MYO3A: variants seen among roughly 807,000 people sequenced by gnomAD.
MYO3A encodes the protein myosin IIIA.
In MYO3A, 180 loss-of-function variants were observed where a neutral mutation model predicts 192.7. The observed-to-expected ratio is 0.93, with a 90% CI of 0.83 to 1.06. The LOEUF (loss-of-function observed/expected upper bound fraction) is 1.06, where lower values mean the gene tolerates loss of function less well. MYO3A is among the 50% of genes least tolerant of loss of function. The probability of loss-of-function intolerance (pLI) is 0.00; values close to 1 mark genes in which losing one functional copy is unlikely to be tolerated. For synonymous variants in MYO3A, 628 were observed against 645.3 expected, an observed-to-expected ratio of 0.97 and a Z score of 0.41; for missense variants, 1,896 against 1,905.0, an observed-to-expected ratio of 1.00 and a Z score of 0.09.
At chr10:26,168,409 G>A (rs1291615329) in intron 27 of MYO3A, among the ~76,000 whole-genome samples, 1 of 152,020 alleles carries the variant, frequency 6.6e-6, no homozygotes, top group Non-Finnish European at 1.5e-5. Context: ...CAGAATATAC[G>A]ATGCTAGAAA....
intron 18 of MYO3A, among the ~76,000 whole-genome samples, chr10:26,121,579 G>T (rs1371747660): frequency 6.6e-6 from 1 of 152,038 alleles, no homozygotes; most frequent in African/African-American, 2.4e-5. Context: ...GTGAAACCCT[G>T]TCTCTACTAA....
intron 31 of MYO3A, among the ~76,000 whole-genome samples, chr10:26,177,522 C>G (rs183899836): frequency 6.6e-6 from 1 of 152,268 alleles, no homozygotes; most frequent in Non-Finnish European, 1.5e-5. Flanking sequence ...GCAGGTGGCA[C>G]CTAGACTGTG....
At chr10:26,005,699 G>A (rs895393390) in intron 6 of MYO3A, among the ~76,000 whole-genome samples, 6 of 152,006 alleles carry the variant, frequency 3.9e-5, no homozygotes, top group African/African-American at 9.7e-5. Context: ...GTATATATAT[G>A]TATATATGTA....
intron 14 of MYO3A, among the ~76,000 whole-genome samples, chr10:26,085,355 T>A (rs1437880937): frequency 1.3e-5 from 2 of 152,284 alleles, no homozygotes; most frequent in Non-Finnish European, 2.9e-5. Flanking sequence ...GACTATTTAT[T>A]TTGGAGCTTT....
chr10:26,016,210 T>C (rs1216226378), intron 6 of MYO3A, among the ~76,000 whole-genome samples: 1 of 152,370 alleles, frequency 6.6e-6, no homozygotes, highest in South Asian at 2.1e-4. Flanking sequence ...ACCTCTTTAC[T>C]GTAGCTCTTC....
chr10:26,189,719 A>G (rs1455422430), intron 31 of MYO3A, among the ~76,000 whole-genome samples: 1 of 152,208 alleles, frequency 6.6e-6, no homozygotes, highest in Non-Finnish European at 1.5e-5. Flanking sequence ...AAAAAGAGGC[A>G]TCATCATAAA....
At chr10:26,049,288 T>C (rs899033049) in intron 10 of MYO3A, among the ~76,000 whole-genome samples, 1 of 151,954 alleles carries the variant, frequency 6.6e-6, no homozygotes, top group Non-Finnish European at 1.5e-5. Context: ...AGAGCCTCAG[T>C]TGAAGGGTAT....
chr10:26,156,843 G>A (rs906638846), intron 25 of MYO3A, among the ~76,000 whole-genome samples: 40 of 151,996 alleles, frequency 2.6e-4, no homozygotes, highest in African/African-American at 7.0e-4. Context: ...CTCCCTCCTC[G>A]TACTCTCCAC....
At chr10:26,140,202 C>G (rs1463867956) in intron 20 of MYO3A, among the ~76,000 whole-genome samples, 1 of 152,180 alleles carries the variant, frequency 6.6e-6, no homozygotes, top group Non-Finnish European at 1.5e-5. Context: ...ACGCTTGCAG[C>G]CTGTCTCAGC....
At chr10:26,149,415 A>G (rs553174127) in intron 23 of MYO3A, among the ~76,000 whole-genome samples, 2 of 151,838 alleles carry the variant, frequency 1.3e-5, no homozygotes, top group South Asian at 4.2e-4. Context: ...TTGTATTTTT[A>G]CTAGAGACAG....
Position 26,068,294 on chromosome 10 carries a change from A to T in MYO3A, c.1054-474A>T, listed in dbSNP as rs566672310. On this transcript the variant is annotated intron_variant, in intron 11 of 34. Coordinates refer to ENST00000642920, the MANE Select transcript of MYO3A (RefSeq NM_017433.5). ...TTACTCAAATGACTTATCAACTATGAAAATTACATTTTAAAATTTTTCATA... is the reference window on the plus strand; with the variant it reads ...TTACTCAAATGACTTATCAACTATGTAAATTACATTTTAAAATTTTTCATA... 3.7e-4 allele frequency among the ~76,000 whole-genome samples: 57 copies of T among 152,292 alleles called. No individual in the cohort carries two copies. In the South Asian group the frequency reaches 0.012, roughly 31 times the overall value.
chr10:25,983,036 A>G (rs1308839848), intron 4 of MYO3A, among the ~76,000 whole-genome samples: 1 of 152,144 alleles, frequency 6.6e-6, no homozygotes, highest in Non-Finnish European at 1.5e-5. Flanking sequence ...ACTTAAAGAA[A>G]TTAAAAACAT....
intron 34 of MYO3A, 90 bp downstream of exon 34, chr10:26,203,197 G>A: frequency 7.4e-7 from 1 of 1,351,402 alleles, no homozygotes; most frequent in Non-Finnish European, 1.0e-6. Context: ...ATAGATGAAT[G>A]ACAAAGCACT....
chr10:26,081,585 G>A lies in MYO3A; in HGVS notation c.1360-6618G>A, dbSNP rs1436636767. On this transcript the variant is annotated intron_variant, in intron 14 of 34. Transcript: ENST00000642920. ...CCCCCGAGTTGGGGCCAGACTTCTC[G>A]CCCCATTCAAATTGTTACAAAGTTC... Among the ~76,000 whole-genome samples, 6 of 152,170 alleles carry A rather than the reference G, an allele frequency of 3.9e-5. No individual in the cohort carries two copies. The East Asian group carries it at 9.7e-4, about 25-fold the overall frequency.
chr10:25,980,089 T>G (rs1839226788), intron 4 of MYO3A, among the ~76,000 whole-genome samples: 1 of 151,842 alleles, frequency 6.6e-6, no homozygotes, highest in African/African-American at 2.4e-5. Context: ...TACAAAAAAT[T>G]AGCCAGGCGT....
chr10:26,081,733 T>C (rs1217476227), intron 14 of MYO3A, among the ~76,000 whole-genome samples: 1 of 152,174 alleles, frequency 6.6e-6, no homozygotes, highest in African/African-American at 2.4e-5. Flanking sequence ...TCCCAGGGCT[T>C]TTCTGCTGCT....
At chr10:25,989,918 A>G (rs1839906472) in intron 4 of MYO3A, among the ~76,000 whole-genome samples, 1 of 152,116 alleles carries the variant, frequency 6.6e-6, no homozygotes, top group African/African-American at 2.4e-5. Flanking sequence ...GATGTGTGAC[A>G]AGGCTGATGG....
chr10:26,180,811 GA>G (rs1842588033), intron 31 of MYO3A, among the ~76,000 whole-genome samples: 1 of 151,944 alleles, frequency 6.6e-6, no homozygotes, highest in Admixed American at 6.6e-5. Flanking sequence ...TTGTGTTTCT[GA>G]ATTGAAAGAT....
rs746102690 is a variant in MYO3A at position 26,211,979 on chromosome 10, G to C, written c.*16G>C. The C allele has an allele frequency of 3.7e-6, 6 of 1,607,642 alleles. No individual in the cohort carries two copies. In the Admixed American group the frequency reaches 8.4e-5, roughly 22 times the overall value. On this transcript the variant is annotated 3_prime_UTR_variant, in exon 35 of 35. Coordinates refer to ENST00000642920, the MANE Select transcript of MYO3A (RefSeq NM_017433.5). ...GCAGTCCTAACCGTTCAACGAGGCA[G>C]TCACCGCCGTCGGAAGGCGCTGGAG...
Sources: gnomAD v4.1 joint callset for allele counts (sites outside exome capture counted in the v4.1 genomes callset) on GRCh38, gnomAD v4.1.1 for gene constraint, MANE v1.5 for transcripts, NCBI Gene and HGNC (gene_info 2026-07-23, HGNC 2026-07-21) for gene names.